The following PDE3B variants were observed in gnomAD, a reference collection of about 807,000 sequenced individuals.
PDE3B encodes cGMP-inhibited 3',5'-cyclic phosphodiesterase 3B.
Under a neutral mutation model 116.8 loss-of-function variants are expected in PDE3B, and 66 were observed. That is an observed-to-expected ratio of 0.56 (90% CI 0.46 to 0.69). The LOEUF is 0.69. PDE3B is among the 30% of genes least tolerant of loss of function. PDE3B has a pLI of 0.00. For missense variants in PDE3B, 1,384 were observed against 1,368.1 expected (o/e 1.01, Z -0.18); for synonymous variants, 595 against 533.6 (o/e 1.12, Z -1.59).
the PDE3B span, among the ~76,000 whole-genome samples, chr11:14,889,861 G>C: frequency 2.6e-5 from 4 of 152,172 alleles, no homozygotes; most frequent in African/African-American, 9.7e-5. Context: ...GGGCGCAGTG[G>C]CTCACACCTG....
At chr11:14,838,868 T>A (rs1208528242) in intron 11 of PDE3B, among the ~76,000 whole-genome samples, 10 of 152,176 alleles carry the variant, frequency 6.6e-5, no homozygotes, top group Admixed American at 6.5e-4. Flanking sequence ...GCCTCATGAG[T>A]TGTCTAAAGT....
Position 14,817,965 on chromosome 11 carries a change from G to A in PDE3B, c.1523-218G>A, listed in dbSNP as rs530998162. On this transcript the variant is annotated intron_variant, in intron 5 of 15. Transcript: ENST00000282096. ...AAATGTAGATATTTACCCAACAAGGGGTGTTTACCCAACAGCCATTGATCA... is the reference window on the plus strand; with the variant it reads ...AAATGTAGATATTTACCCAACAAGGAGTGTTTACCCAACAGCCATTGATCA... Among the ~76,000 whole-genome samples, 85 of 151,868 alleles carry A rather than the reference G, an allele frequency of 5.6e-4. 1 individual carries two copies. In the Middle Eastern group the frequency reaches 0.02, roughly 36 times the overall value.
intron 1 of PDE3B, among the ~76,000 whole-genome samples, chr11:14,722,449 T>C (rs61883643): frequency 2.5e-4 from 38 of 152,252 alleles, no homozygotes; most frequent in Admixed American, 9.2e-4. Context: ...AGACATGCCA[T>C]TGAGTCAAGA....
At chr11:14,717,546 A>G (rs1463210057) in intron 1 of PDE3B, among the ~76,000 whole-genome samples, 14 of 71,864 alleles carry the variant, frequency 1.9e-4, no homozygotes, top group African/African-American at 8.6e-4. Context: ...CTCAAAGGGA[A>G]GCCCATCAGA....
At chr11:14,670,285 A>T (rs1854324230) in intron 1 of PDE3B, among the ~76,000 whole-genome samples, 1 of 152,170 alleles carries the variant, frequency 6.6e-6, no homozygotes, top group Non-Finnish European at 1.5e-5. Context: ...CAGTCATAAT[A>T]GTTTTATTTT....
chr11:14,654,824 A>G (rs1853663874), intron 1 of PDE3B, among the ~76,000 whole-genome samples: 1 of 151,506 alleles, frequency 6.6e-6, no homozygotes, highest in Admixed American at 6.6e-5. Flanking sequence ...ACACACACAC[A>G]CACACACAGA....
At chr11:14,672,017 G>GA (rs1206100149) in intron 1 of PDE3B, among the ~76,000 whole-genome samples, 1,381 of 129,176 alleles carry the variant, frequency 0.011, 10 homozygotes, top group Middle Eastern at 0.02. Flanking sequence ...ACCTTGTCTT[G>GA]AAAAAAAAAA....
At chr11:14,691,650 C>A (rs1053803919) in intron 1 of PDE3B, among the ~76,000 whole-genome samples, 2 of 152,000 alleles carry the variant, frequency 1.3e-5, no homozygotes, top group Non-Finnish European at 2.9e-5. Flanking sequence ...GTGAACAACA[C>A]AAAATTTCTG....
chr11:14,878,795 A>G, the PDE3B span, among the ~76,000 whole-genome samples: 1 of 152,104 alleles, frequency 6.6e-6, no homozygotes, highest in Non-Finnish European at 1.5e-5. Context: ...TTAAGTGACT[A>G]TATCTTTTCC....
chr11:14,847,429 A>C (rs1340126156), intron 12 of PDE3B, among the ~76,000 whole-genome samples: 1 of 151,580 alleles, frequency 6.6e-6, no homozygotes, highest in Non-Finnish European at 1.5e-5. Context: ...CAATTAAAAG[A>C]ACTAGAAAAG....
intron 1 of PDE3B, among the ~76,000 whole-genome samples, chr11:14,650,201 G>GTTTT (rs59519371): frequency 2.3e-5 from 3 of 130,890 alleles, no homozygotes; most frequent in Middle Eastern, 4.0e-3. Context: ...ATTCAGCAAT[G>GTTTT]TTTTTTTTTT....
chr11:14,659,027 T>C (rs1003517179), intron 1 of PDE3B, among the ~76,000 whole-genome samples: 2 of 152,210 alleles, frequency 1.3e-5, no homozygotes, highest in East Asian at 1.9e-4. Flanking sequence ...TGAAAGTAAC[T>C]TGAAGAACAG....
At chr11:14,673,819 G>C (rs1286543800) in intron 1 of PDE3B, 1 of 979,812 alleles carries the variant, frequency 1.0e-6, no homozygotes, top group African/African-American at 1.6e-5. Context: ...TGATCTGCAA[G>C]AATTTCGGCA....
chr11:14,790,039 A>G (rs1023883904), intron 4 of PDE3B, among the ~76,000 whole-genome samples: 4 of 151,986 alleles, frequency 2.6e-5, no homozygotes, highest in Non-Finnish European at 5.9e-5. Flanking sequence ...AGCATGTTTT[A>G]TACTTTTGAG....
intron 1 of PDE3B, among the ~76,000 whole-genome samples, chr11:14,716,578 C>G (rs1193326141): frequency 7.3e-6 from 1 of 137,004 alleles, no homozygotes; most frequent in Non-Finnish European, 1.6e-5. Context: ...GATCTGAGAA[C>G]GGGCAGACTA....
chr11:14,852,734 G>A (rs1194105630), intron 12 of PDE3B, among the ~76,000 whole-genome samples: 5 of 152,078 alleles, frequency 3.3e-5, no homozygotes, highest in African/African-American at 1.2e-4. Flanking sequence ...CAGCCAGAAT[G>A]TGACCCTGTT....
rs866375840 is a variant in PDE3B at position 14,807,563 on chromosome 11, G to C, written c.1522+3513G>C. Among the ~76,000 whole-genome samples the C allele has an allele frequency of 3.9e-5, 6 of 152,130 alleles. No homozygotes were observed. In the South Asian group the frequency reaches 1.2e-3, roughly 32 times the overall value. ...TAAAAAAAGCTTGAATAATTCAAAA[G>C]AATCTGAGAAAAGAAAAGCAAAAAC... On this transcript the variant is annotated intron_variant, in intron 5 of 15. Transcript: ENST00000282096.
chr11:14,809,490 T>G (rs1859059350), intron 5 of PDE3B, among the ~76,000 whole-genome samples: 2 of 152,170 alleles, frequency 1.3e-5, no homozygotes. Context: ...AGACTACAAA[T>G]TGTACAAATC....
At chr11:14,786,048 T>A (rs1858182059) in intron 2 of PDE3B, among the ~76,000 whole-genome samples, 1 of 152,054 alleles carries the variant, frequency 6.6e-6, no homozygotes, top group Non-Finnish European at 1.5e-5. Context: ...AAGATTAAAG[T>A]TTAGGTTTCA....
Sources: gnomAD v4.1 joint callset for allele counts (sites outside exome capture counted in the v4.1 genomes callset) on GRCh38, gnomAD v4.1.1 for gene constraint, MANE v1.5 for transcripts, NCBI Gene and HGNC (gene_info 2026-07-23, HGNC 2026-07-21) for gene names.